Variants in NCKAP1L observed in about 807,000 individuals in gnomAD.
NCKAP1L encodes the protein nck-associated protein 1-like.
In NCKAP1L, 53 loss-of-function variants were observed where a neutral mutation model predicts 139.2. The ratio of observed to expected loss-of-function variants is 0.38; its 90% CI spans 0.31 to 0.48. The LOEUF (loss-of-function observed/expected upper bound fraction) is 0.48. Ranked by LOEUF, NCKAP1L falls within the 20% of genes least tolerant of loss-of-function variation. The pLI is 0.98. For missense variants in NCKAP1L, 1,151 were observed against 1,381.9 expected (o/e 0.83, Z 2.65); for synonymous variants, 468 against 499.7 (o/e 0.94, Z 0.85).
chr12:54,525,086 T>C (rs1004153236), intron 20 of NCKAP1L, among the ~76,000 whole-genome samples: 2 of 152,092 alleles, frequency 1.3e-5, no homozygotes, highest in South Asian at 2.1e-4. Context: ...TGGGAGAGAC[T>C]GGTAGGATGT....
rs1367590217 is a variant in NCKAP1L at position 54,536,166 on chromosome 12, C to T, written c.2994C>T (p.Cys998=). Reference sequence around the variant, plus strand: ...CTGAGGAGGAATATAAGGTGGCCTGCCTGCTCTTGATCTTTCTGGCAGTTT... The same window carrying T: ...CTGAGGAGGAATATAAGGTGGCCTGTCTGCTCTTGATCTTTCTGGCAGTTT... The part of the protein sequence containing the change: ...SSPEEEYKVA[C]LLLIFLAVSL... Residue 998 remains cysteine, a synonymous_variant, in exon 28 of 31, where the codon TGC becomes TGT. Coordinates refer to ENST00000293373, the MANE Select transcript of NCKAP1L (RefSeq NM_005337.5). 1.2e-6 allele frequency: 2 copies of T among 1,613,456 alleles called. No homozygotes were observed. Among genetic ancestry groups the T allele is most frequent in the South Asian group, 1.1e-5 (1 of 91,068 alleles).
At chr12:54,541,941 T>C (rs1453251119) in intron 30 of NCKAP1L, among the ~76,000 whole-genome samples, 1 of 150,594 alleles carries the variant, frequency 6.6e-6, no homozygotes, top group African/African-American at 2.4e-5. Context: ...CACCTCCCCC[T>C]CTTCACCCTC....
At chr12:54,507,025 A>G (rs2120890012) in intron 3 of NCKAP1L, among the ~76,000 whole-genome samples, 1 of 151,584 alleles carries the variant, frequency 6.6e-6, no homozygotes, top group South Asian at 2.1e-4. Context: ...GTAGGAGTGA[A>G]TGAGCAAAGC....
At chr12:54,518,859 T>C in intron 14 of NCKAP1L, 55 bp from the exon 15 acceptor site, 1 of 1,521,490 alleles carries the variant, frequency 6.6e-7, no homozygotes, top group Non-Finnish European at 9.1e-7. Flanking sequence ...TTCTATGTAG[T>C]TGGATATTGG....
intron 28 of NCKAP1L, 31 bp from the exon 29 acceptor site, chr12:54,536,913 T>C (rs1255287583): frequency 1.3e-6 from 2 of 1,495,882 alleles, no homozygotes; most frequent in Non-Finnish European, 1.9e-6. Flanking sequence ...TTTCCTCTTT[T>C]TTCTCTCCAT....
chr12:54,541,188 C>T (rs1348444163), intron 30 of NCKAP1L, among the ~76,000 whole-genome samples: 2 of 152,128 alleles, frequency 1.3e-5, no homozygotes, highest in African/African-American at 2.4e-5. Flanking sequence ...GGCAATTAGT[C>T]CAGTACTTAC....
chr12:54,534,228 A>G (rs993761353), intron 26 of NCKAP1L, among the ~76,000 whole-genome samples: 2 of 152,206 alleles, frequency 1.3e-5, no homozygotes, highest in Non-Finnish European at 2.9e-5. Context: ...CACAACAACT[A>G]TGTGAGGTAA....
rs576767521 is a variant in NCKAP1L at position 54,534,194 on chromosome 12, C to T, written c.2863-910C>T. Among the ~76,000 whole-genome samples, 107 of 152,234 alleles carry T rather than the reference C, an allele frequency of 7.0e-4. No individual in the cohort carries two copies. In the South Asian group the frequency reaches 0.012, roughly 17 times the overall value. ...CATTTTCTCTGTTAGTCACTAGGGT[C>T]GATGTGTGGTCTAATTTAATCTTCA... On this transcript the variant is annotated intron_variant, in intron 26 of 30. Coordinates refer to ENST00000293373, the MANE Select transcript of NCKAP1L (RefSeq NM_005337.5).
intron 26 of NCKAP1L, among the ~76,000 whole-genome samples, chr12:54,533,668 G>T (rs890153151): frequency 5.9e-5 from 9 of 152,042 alleles, no homozygotes; most frequent in Non-Finnish European, 8.8e-5. Flanking sequence ...CTGGATTCAG[G>T]CAATTCTCAT....
chr12:54,510,503 T>C (rs1411237664), intron 7 of NCKAP1L: 2 of 191,450 alleles, frequency 1.0e-5, no homozygotes, highest in Non-Finnish European at 2.2e-5. Context: ...TTTTGTTTAT[T>C]TTATTTAATT....
In NCKAP1L at chr12:54,531,241, C is replaced by G. The variant is rs1344468975; in HGVS notation, c.2507-19C>G. ...GTGCCTTCTGAGTCCCATCTGGGGC[C>G]TCTGTAACTCTGTTCCAGAGATGCG... On this transcript the variant is annotated intron_variant, in intron 22 of 30. Coordinates refer to ENST00000293373, the MANE Select transcript of NCKAP1L (RefSeq NM_005337.5). The G allele has an allele frequency of 5.0e-6, 8 of 1,605,478 alleles. No homozygotes were observed. Among genetic ancestry groups the G allele is most frequent in the Non-Finnish European group, 6.0e-6 (7 of 1,172,124 alleles).
At chr12:54,541,324 C>G (rs1957156659) in intron 30 of NCKAP1L, among the ~76,000 whole-genome samples, 1 of 152,166 alleles carries the variant, frequency 6.6e-6, no homozygotes, top group Non-Finnish European at 1.5e-5. Context: ...GGGCTGTTTC[C>G]ACTCCCGTAA....
chr12:54,528,702 C>T (rs4759087), intron 22 of NCKAP1L, among the ~76,000 whole-genome samples: 43,068 of 151,286 alleles, frequency 0.28, 6,596 homozygotes, highest in Middle Eastern at 0.35. Context: ...CTTGGCTCAC[C>T]GCAACCTGCG....
In NCKAP1L at chr12:54,510,348, G is replaced by A. The variant is rs150597632; in HGVS notation, c.735+363G>A. The A allele has an allele frequency of 3.7e-4, 162 of 433,964 alleles. 2 individuals carry two copies. Among genetic ancestry groups the A allele is most frequent in the African/African-American group, 3.2e-3 (156 of 49,030 alleles). The allele number at this position is 433,964 out of a possible 1,614,324, so 26.9% of individuals were successfully genotyped here. A position where few individuals can be genotyped will look rare whatever the true frequency, so the allele number is the denominator to read the frequency against. On this transcript the variant is annotated intron_variant, in intron 7 of 30. Coordinates refer to ENST00000293373, the MANE Select transcript of NCKAP1L (RefSeq NM_005337.5). Reference sequence around the variant, plus strand: ...AACTTATTTTTATTTTTTTGAGACAGTGTCTTACTCTGTCACCCAGGCTGG... The same window carrying A: ...AACTTATTTTTATTTTTTTGAGACAATGTCTTACTCTGTCACCCAGGCTGG...
chr12:54,539,231 C>T (rs1387449071), intron 30 of NCKAP1L, among the ~76,000 whole-genome samples: 1 of 152,240 alleles, frequency 6.6e-6, no homozygotes, highest in African/African-American at 2.4e-5. Context: ...GGCCCATGTC[C>T]TGCAATGTTC....
intron 25 of NCKAP1L, among the ~76,000 whole-genome samples, 155 bp downstream of exon 25, chr12:54,531,980 G>T (rs1419103309): frequency 1.3e-5 from 2 of 152,114 alleles, no homozygotes; most frequent in South Asian, 2.1e-4. Flanking sequence ...ATTTGGCAGA[G>T]ATCCTAGAAG....
chr12:54,506,134 A>G (rs1446280502), intron 3 of NCKAP1L, among the ~76,000 whole-genome samples: 3 of 152,204 alleles, frequency 2.0e-5, no homozygotes, highest in Non-Finnish European at 4.4e-5. Flanking sequence ...CACTTGGGTA[A>G]ATCTAGAAGT....
At chr12:54,532,888 C>G (rs1040244136) in intron 26 of NCKAP1L, among the ~76,000 whole-genome samples, 4 of 152,230 alleles carry the variant, frequency 2.6e-5, no homozygotes, top group African/African-American at 9.6e-5. Context: ...GCAGGAAATA[C>G]AGCTAGAGCC....
chr12:54,505,707 G>A (rs1232800681), intron 3 of NCKAP1L, among the ~76,000 whole-genome samples: 1 of 149,492 alleles, frequency 6.7e-6, no homozygotes, highest in Non-Finnish European at 1.5e-5. Flanking sequence ...TTGTTGCCCA[G>A]GCTGGAGTGC....
Sources: gnomAD v4.1 joint callset for allele counts (sites outside exome capture counted in the v4.1 genomes callset) on GRCh38, gnomAD v4.1.1 for gene constraint, MANE v1.5 for transcripts, NCBI Gene and HGNC (gene_info 2026-07-23, HGNC 2026-07-21) for gene names.